Variants in MROH2A observed in about 807,000 individuals in gnomAD.
MROH2A encodes the protein maestro heat-like repeat-containing protein family member 2A.
Under a neutral mutation model 200.4 loss-of-function variants are expected in MROH2A, and 174 were observed. The observed-to-expected ratio is 0.87, with a 90% CI of 0.77 to 0.98. The LOEUF (loss-of-function observed/expected upper bound fraction) is 0.98. Ranked by LOEUF, MROH2A falls within the 50% of genes least tolerant of loss-of-function variation. The pLI is 0.00. For synonymous variants in MROH2A, 829 were observed against 840.4 expected, an observed-to-expected ratio of 0.99 and a Z score of 0.23; for missense variants, 2,045 against 2,139.6, an observed-to-expected ratio of 0.96 and a Z score of 0.87.
chr2:233,824,317 A>G (rs189114247), intron 35 of MROH2A, among the ~76,000 whole-genome samples: 27 of 142,600 alleles, frequency 1.9e-4, no homozygotes, highest in African/African-American at 6.6e-4. Context: ...CTTTTCCCCA[A>G]CACTTAAAAA....
chr2:233,822,734 C>A (rs1014178813), intron 33 of MROH2A, 147 bp from the exon 34 acceptor site: 6 of 1,180,338 alleles, frequency 5.1e-6, no homozygotes, highest in African/African-American at 3.1e-5. Context: ...TCAGAGCTTG[C>A]AGATCCACTC....
At chr2:233,825,306 G>A (rs1019414506) in intron 35 of MROH2A, among the ~76,000 whole-genome samples, 7 of 152,118 alleles carry the variant, frequency 4.6e-5, no homozygotes, top group African/African-American at 7.2e-5. Context: ...ATTTGAATAC[G>A]CTTTATTTCT....
rs73112651 is a variant in MROH2A, at chr2:233,822,682, C to T, written c.3866+126C>T. ...CTCCTCCTGGTGGGATCTGATCTTA[C>T]TCAAAATGCCGTTCTCATGTGTGTC... On this transcript the variant is annotated intron_variant, in intron 33 of 41. Coordinates refer to ENST00000389758, the MANE Select transcript of MROH2A (RefSeq NM_001394639.1). 6.7e-4 allele frequency: 796 copies of T among 1,182,880 alleles called. 6 individuals are homozygous for T. The African/African-American group carries it at 0.011, about 16-fold the overall frequency. 73.3% of individuals were successfully genotyped at this position (1,182,880 alleles called of 1,614,324 possible).
chr2:233,801,388 G>A (rs188743807), intron 14 of MROH2A, among the ~76,000 whole-genome samples: 65 of 152,258 alleles, frequency 4.3e-4, no homozygotes, highest in African/African-American at 1.4e-3. Flanking sequence ...GAGAGGAGAT[G>A]GTGGGGTGAA....
In MROH2A at chr2:233,798,780, G is replaced by A. The variant is rs1228105839; in HGVS notation, c.1259G>A (p.Arg420Lys). 1 of 1,550,340 alleles carries A rather than the reference G, an allele frequency of 6.5e-7. No individual in the cohort carries two copies. The highest frequency in any genetic ancestry group is 2.0e-5 in the Admixed American group (1 of 50,984). Residue 420 changes from arginine (R) to lysine (K), a missense_variant, in exon 12 of 42, where the codon AGG (arginine) becomes AAG (lysine). Arg to Lys is a conservative substitution (Grantham distance 26). Transcript: ENST00000389758. ...CCCAGTTTTCCTCTTTCAGAGCCCA[G>A]GATGAGTATCAGGGCCATCTACCTG... ...IRAIVSADEP[R>K]MSIRAIYLAI...
Position 233,800,296 on chromosome 2 carries a change from C to G in MROH2A, c.1541C>G (p.Ser514Cys), listed in dbSNP as rs991402328. Residue 514 changes from serine to cysteine, a missense_variant, in exon 14 of 42, where the codon TCT (serine) becomes TGT (cysteine). Ser to Cys is a moderately radical substitution (Grantham distance 112). Transcript: ENST00000389758. ...TMDTVKIITS[S>C]VSGMTTEFWV... Reference sequence around the variant, plus strand: ...GACACTGTGAAGATCATTACCTCTTCTGTCAGTGGGATGACCACCGTGAGT... The same window carrying G: ...GACACTGTGAAGATCATTACCTCTTGTGTCAGTGGGATGACCACCGTGAGT... The G allele has an allele frequency of 3.9e-6, 6 of 1,548,820 alleles. No individual in the cohort carries two copies. The African/African-American group carries it at 8.2e-5, about 21-fold the overall frequency.
rs556441647 is a variant in MROH2A, at chr2:233,820,225, C to T, written c.3512+169C>T. On this transcript the variant is annotated intron_variant, in intron 31 of 41. Transcript: ENST00000389758. This position sits in a 1 kb window ranked among gnomAD's most constrained non-coding sequence, Gnocchi z 4.1. ...TCCTGCAGGAGGTGCCAGCCTCCGA[C>T]GAGCCACTGACAGAGCCCAGGCTTG... Among the ~76,000 whole-genome samples, 6 of 152,330 alleles carry T rather than the reference C, an allele frequency of 3.9e-5. No homozygotes were observed. The highest frequency in any genetic ancestry group is 1.9e-4 in the East Asian group (1 of 5,170).
intron 21 of MROH2A, among the ~76,000 whole-genome samples, chr2:233,808,293 G>C (rs1017762842): frequency 1.3e-5 from 2 of 152,230 alleles, no homozygotes; most frequent in African/African-American, 4.8e-5. Flanking sequence ...TCTAGCCACT[G>C]TTGCAGGGTG....
At chr2:233,801,019 T>A (rs553185870) in intron 14 of MROH2A, among the ~76,000 whole-genome samples, 6 of 152,322 alleles carry the variant, frequency 3.9e-5, no homozygotes, top group African/African-American at 1.4e-4. Context: ...GCAGGTATAC[T>A]GTACTAGGTG....
Position 233,814,205 on chromosome 2 carries a change from G to A in MROH2A, c.2761-377G>A, listed in dbSNP as rs75552878. ...TCATTTTGCCCTCCTTCTATTGGCT[G>A]AAACACAGTCACATGGCTCCACCCA... On this transcript the variant is annotated intron_variant, in intron 25 of 41. Coordinates refer to ENST00000389758, the MANE Select transcript of MROH2A (RefSeq NM_001394639.1). Among the ~76,000 whole-genome samples the A allele has an allele frequency of 0.016, 2,487 of 152,250 alleles. 132 individuals carry two copies. In the East Asian group the frequency reaches 0.2, roughly 12 times the overall value.
Position 233,805,206 on chromosome 2 carries a change from G to T in MROH2A, c.2052+95G>T, listed in dbSNP as rs1575961804. ...AACACCGTGTGTGTGAGATCAGCTG[G>T]ACCTGTGGCTGTTTACAGGGTCCTG... On this transcript the variant is annotated intron_variant, in intron 19 of 41. Transcript: ENST00000389758. The T allele has an allele frequency of 4.9e-6, 4 of 811,964 alleles. No individual in the cohort carries two copies. The East Asian group carries it at 1.1e-4, about 23-fold the overall frequency. 50.3% of individuals were successfully genotyped at this position (811,964 alleles called of 1,614,324 possible).
In MROH2A at chr2:233,828,711, G is replaced by C. The variant is rs941607585; in HGVS notation, c.4195G>C (p.Glu1399Gln). ...LLLEKGADQE[E>Q]DEALRVLSLR... is the part of the protein sequence containing the mutation. ...GCTGGAGAAGGGTGCCGACCAGGAG[G>C]AAGACGAGGCCCTGCGGGTGCTGTC... Residue 1399 changes from glutamate to glutamine, a missense_variant, in exon 36 of 42, where the codon GAA becomes CAA. Coordinates refer to ENST00000389758, the MANE Select transcript of MROH2A (RefSeq NM_001394639.1). The surrounding 1 kb of genome is among the most constrained non-coding windows in gnomAD (Gnocchi z 4.6). 1 of 1,550,710 alleles carries C rather than the reference G, an allele frequency of 6.4e-7. No homozygotes were observed. The highest frequency in any genetic ancestry group is 1.2e-5 in the South Asian group (1 of 84,066).
intron 5 of MROH2A, 57 bp from the exon 6 acceptor site, chr2:233,792,739 T>C (rs953775612): frequency 8.8e-7 from 1 of 1,136,974 alleles, no homozygotes; most frequent in Non-Finnish European, 1.3e-6. Flanking sequence ...CCTCTCTGCC[T>C]TCTCTCTGCT....
At position 233,789,940 on chromosome 2, in the gene MROH2A, A is replaced by C; in HGVS notation, c.497A>C (p.Gln166Pro). 6.4e-7 allele frequency: 1 copy of C among 1,550,526 alleles called. No individual in the cohort carries two copies. Among genetic ancestry groups the C allele is most frequent in the East Asian group, 2.4e-5 (1 of 40,908 alleles). Residue 166 changes from glutamine to proline, a missense_variant, in exon 5 of 42, where the codon CAG (glutamine) becomes CCG (proline). Coordinates refer to ENST00000389758, the MANE Select transcript of MROH2A (RefSeq NM_001394639.1). ...NHFSLVMYEL[Q>P]HHLKPLNLTD... Reference sequence around the variant, plus strand: ...TTCAGCTTGGTCATGTACGAGCTGCAGCACCACCTCAAGCCCCTCAACCTC... The same window carrying C: ...TTCAGCTTGGTCATGTACGAGCTGCCGCACCACCTCAAGCCCCTCAACCTC...
At chr2:233,829,310 T>TC (rs1704554240) in intron 37 of MROH2A, among the ~76,000 whole-genome samples, 1 of 152,012 alleles carries the variant, frequency 6.6e-6, no homozygotes, top group African/African-American at 2.4e-5. Context: ...GGGAAGGGTC[T>TC]CCCCCTTTTA....
intron 38 of MROH2A, 28 bp downstream of exon 38, chr2:233,829,803 C>A: frequency 9.3e-6 from 12 of 1,292,912 alleles, no homozygotes; most frequent in Non-Finnish European, 1.2e-5. Flanking sequence ...CTTTGTGTCC[C>A]AGTCTGGGGC....
chr2:233,799,779 G>A lies in MROH2A; in HGVS notation c.1330-1G>A, dbSNP rs1702339310. On this transcript the variant is annotated splice_acceptor_variant, in intron 12 of 41. Transcript: ENST00000389758. LOFTEE classifies it high-confidence loss of function. ...GCATGTCCACGGTCCTGTCCCCTCA[G>A]GTGAGGATGGCTATTCTCCACATCA... is the stretch of plus-strand genomic sequence containing the variant. The A allele has an allele frequency of 6.5e-7, 1 of 1,550,346 alleles. No individual in the cohort carries two copies. The highest frequency in any genetic ancestry group is 1.4e-5 in the African/African-American group (1 of 73,026).
upstream of MROH2A, among the ~76,000 whole-genome samples, chr2:233,777,066 G>C (rs1025376946): frequency 7.9e-5 from 12 of 152,302 alleles, no homozygotes; most frequent in Middle Eastern, 3.4e-3. Flanking sequence ...GTTGTGCTTG[G>C]CTGGACAGAG....
At chr2:233,786,482 G>A (rs979524257) in intron 3 of MROH2A, among the ~76,000 whole-genome samples, 2 of 152,204 alleles carry the variant, frequency 1.3e-5, no homozygotes, top group Admixed American at 6.5e-5. Context: ...CCACCCTTGT[G>A]ACTTCATTCA....
Sources: gnomAD v4.1 joint callset for allele counts (sites outside exome capture counted in the v4.1 genomes callset) on GRCh38, gnomAD v4.1.1 for gene constraint, Gnocchi (gnomAD v3.1) non-coding constraint, MANE v1.5 for transcripts, NCBI Gene and HGNC (gene_info 2026-07-23, HGNC 2026-07-21) for gene names.